Variants in USP18 observed in about 807,000 individuals in gnomAD.
The protein encoded by USP18 is ubl carboxyl-terminal hydrolase 18.
Under a neutral mutation model 48.7 loss-of-function variants are expected in USP18, and 11 were observed. That is an observed-to-expected ratio of 0.23 (90% CI 0.14 to 0.37). The LOEUF (loss-of-function observed/expected upper bound fraction) is 0.37, where lower values mean the gene tolerates loss of function less well. Among genes scored for constraint, USP18 ranks in the 10% least tolerant of loss-of-function variants. USP18 has a pLI of 1.00. For synonymous variants in USP18, 114 were observed against 163.2 expected (o/e 0.70, Z 2.30); for missense variants, 285 against 436.4 (o/e 0.65, Z 3.09).
chr22:18,160,523 C>T lies in USP18; in HGVS notation c.254+255C>T, dbSNP rs1408565969. 2.0e-5 allele frequency among the ~76,000 whole-genome samples: 3 copies of T among 151,850 alleles called. No homozygotes were observed. The East Asian group carries it at 5.9e-4, about 30-fold the overall frequency. Reference sequence around the variant, plus strand: ...TTCACCGTGTTAGCCAGGAAGGTCTCGATCTCCTGACCTCGTGATCCACCC... The same window carrying T: ...TTCACCGTGTTAGCCAGGAAGGTCTTGATCTCCTGACCTCGTGATCCACCC... On this transcript the variant is annotated intron_variant, in intron 3 of 10. Coordinates refer to ENST00000215794, the MANE Select transcript of USP18 (RefSeq NM_017414.4).
intron 1 of USP18, among the ~76,000 whole-genome samples, chr22:18,156,432 C>T (rs1458910655): frequency 1.3e-5 from 2 of 152,214 alleles, no homozygotes; most frequent in Non-Finnish European, 2.9e-5. Flanking sequence ...CTACTGCTCA[C>T]TCTTTGGGTC....
intron 10 of USP18, among the ~76,000 whole-genome samples, chr22:18,174,992 C>T (rs1259893766): frequency 6.6e-6 from 1 of 152,168 alleles, no homozygotes; most frequent in Non-Finnish European, 1.5e-5. Context: ...CAGCTCATTG[C>T]AAGCTCTGCC....
intron 10 of USP18, among the ~76,000 whole-genome samples, chr22:18,174,227 TC>T (rs1569213512): frequency 7.4e-5 from 11 of 149,272 alleles, no homozygotes; most frequent in South Asian, 2.1e-4. Context: ...TCTTTTCTTT[TC>T]TTTTCTTTTT....
At chr22:18,156,882 A>G (rs367891406) in intron 1 of USP18, among the ~76,000 whole-genome samples, 15 of 152,244 alleles carry the variant, frequency 9.9e-5, no homozygotes, top group South Asian at 2.1e-4. Context: ...ACTGGGTTCC[A>G]AGGCGAAGTA....
chr22:18,159,782 T>A (rs1409169608), intron 2 of USP18, among the ~76,000 whole-genome samples: 1 of 135,254 alleles, frequency 7.4e-6, no homozygotes, highest in African/African-American at 3.4e-5. Context: ...TTCACACCAT[T>A]CTCCTGCCTC....
chr22:18,174,728 A>G (rs1355817059), intron 10 of USP18, among the ~76,000 whole-genome samples: 2 of 152,094 alleles, frequency 1.3e-5, no homozygotes, highest in Non-Finnish European at 1.5e-5. Flanking sequence ...AGCTGGGACT[A>G]CAGGCATACA....
chr22:18,157,712 G>C lies in USP18; in HGVS notation c.49G>C (p.Ala17Pro). 6.2e-7 allele frequency: 1 copy of C among 1,614,064 alleles called. No homozygotes were observed. The highest frequency in any genetic ancestry group is 8.5e-7 in the Non-Finnish European group (1 of 1,180,012). Residue 17 changes from alanine (A) to proline (P), a missense_variant, in exon 2 of 11, where the codon GCT (alanine) becomes CCT (proline). Coordinates refer to ENST00000215794, the MANE Select transcript of USP18 (RefSeq NM_017414.4). ...GAGGCAAATCTGTCAGTCCATCCTG[G>C]CTGAGTCCTCGCAGTCCCCGGCAGA... ...LLRQICQSIL[A>P]ESSQSPADLE... is the part of the protein sequence containing the mutation.
chr22:18,175,817 A>G (rs1224680280), intron 10 of USP18, among the ~76,000 whole-genome samples: 1 of 149,830 alleles, frequency 6.7e-6, no homozygotes, highest in Non-Finnish European at 1.5e-5. Context: ...TCTACAAAAA[A>G]ATAAAAATTA....
intron 4 of USP18, among the ~76,000 whole-genome samples, chr22:18,164,313 C>T (rs958523453): frequency 1.3e-5 from 2 of 151,758 alleles, no homozygotes; most frequent in African/African-American, 2.4e-5. Context: ...GGCCTTTTTG[C>T]CTGTTCACGC....
chr22:18,154,876 T>G (rs1929088464), intron 1 of USP18, among the ~76,000 whole-genome samples: 1 of 152,214 alleles, frequency 6.6e-6, no homozygotes, highest in African/African-American at 2.4e-5. Context: ...TAAGCCAGTC[T>G]TCATTGCCTG....
At chr22:18,167,663 A>G (rs1929510627) in intron 5 of USP18, among the ~76,000 whole-genome samples, 1 of 144,918 alleles carries the variant, frequency 6.9e-6, no homozygotes, top group East Asian at 2.0e-4. Flanking sequence ...GCGCCACTGC[A>G]CTCCAGCCTG....
intron 1 of USP18, among the ~76,000 whole-genome samples, chr22:18,153,522 T>C (rs375655546): frequency 9.9e-5 from 15 of 152,080 alleles, no homozygotes; most frequent in South Asian, 2.1e-4. Flanking sequence ...ATTCCTGGGC[T>C]CAACTGATTC....
chr22:18,173,207 G>A lies in USP18; in HGVS notation c.949G>A (p.Gly317Ser), dbSNP rs751960586. ...VIAHVGMADS[G>S]HYCVYIRNAV... ...TGCGCACGTGGGAATGGCAGACTCC[G>A]GTCATTACTGTGTCTACATCCGGAA... The change falls in exon 9 of 11, where the codon GGT becomes AGT. Residue 317 changes from glycine to serine, a missense_variant. This residue lies in a region of USP18 where 44 missense variants were observed against 64.4 expected (regional missense o/e 0.68). Transcript: ENST00000215794. 6.2e-6 allele frequency: 10 copies of A among 1,610,814 alleles called. No individual in the cohort carries two copies. Among genetic ancestry groups the A allele is most frequent in the South Asian group, 2.2e-5 (2 of 90,686 alleles).
chr22:18,165,648 C>T lies in USP18; in HGVS notation c.401-1607C>T, dbSNP rs553384182. ...AGGCTGATGGAGGTTTGATTGAGAACGGGCAAGTTCTTCCAGCTGATCTTT... is the reference window on the plus strand; with the variant it reads ...AGGCTGATGGAGGTTTGATTGAGAATGGGCAAGTTCTTCCAGCTGATCTTT... On this transcript the variant is annotated intron_variant, in intron 4 of 10. Coordinates refer to ENST00000215794, the MANE Select transcript of USP18 (RefSeq NM_017414.4). Among the ~76,000 whole-genome samples, 17 of 152,144 alleles carry T rather than the reference C, an allele frequency of 1.1e-4. 1 individual carries two copies. Among genetic ancestry groups the T allele is most frequent in the South Asian group, 4.2e-4 (2 of 4,806 alleles).
chr22:18,153,219 A>G (rs1929043513), intron 1 of USP18, among the ~76,000 whole-genome samples: 1 of 152,188 alleles, frequency 6.6e-6, no homozygotes, highest in Admixed American at 6.5e-5. Context: ...ACCTGAGGTC[A>G]GGAGTTCAAG....
At chr22:18,162,018 C>G (rs908552316) in intron 4 of USP18, 83 bp downstream of exon 4, 7 of 1,487,278 alleles carry the variant, frequency 4.7e-6, no homozygotes, top group Non-Finnish European at 6.3e-6. Context: ...AACTAACGGG[C>G]AGTGAAGCAA....
intron 8 of USP18, among the ~76,000 whole-genome samples, chr22:18,171,252 G>A (rs1410035049): frequency 4.4e-5 from 4 of 91,866 alleles, no homozygotes; most frequent in Non-Finnish European, 8.1e-5. Context: ...TCATAAAGTA[G>A]CCAGTTGACT....
intron 1 of USP18, among the ~76,000 whole-genome samples, chr22:18,151,795 G>A (rs5993018): frequency 0.4 from 60,446 of 151,954 alleles, 13,133 homozygotes; most frequent in African/African-American, 0.57. Context: ...GGTGGCTCAC[G>A]CCTGTAATCC....
chr22:18,157,776 G>A lies in USP18; in HGVS notation c.113G>A (p.Arg38Lys), dbSNP rs1168005972. The A allele has an allele frequency of 1.9e-6, 3 of 1,614,016 alleles. No homozygotes were observed. In the African/African-American group the frequency reaches 4.0e-5, roughly 22 times the overall value. Reference sequence around the variant, plus strand: ...AAGGAAGAAGACAGCAACATGAAGAGAGAGCAGCCCAGAGAGCGTCCCAGG... The same window carrying A: ...AAGGAAGAAGACAGCAACATGAAGAAAGAGCAGCCCAGAGAGCGTCCCAGG... Reference protein sequence around the residue: ...EKKEEDSNMKREQPRERPRAW... With the variant: ...EKKEEDSNMKKEQPRERPRAW... Residue 38 changes from arginine to lysine, a missense_variant, in exon 2 of 11, where the codon AGA (arginine) becomes AAA (lysine). Coordinates refer to ENST00000215794, the MANE Select transcript of USP18 (RefSeq NM_017414.4).
Sources: allele counts gnomAD v4.1 joint callset (sites outside exome capture counted in the v4.1 genomes callset), GRCh38; gene constraint gnomAD v4.1.1; regional missense constraint gnomAD v4.1.1; transcripts MANE v1.5; gene names NCBI Gene and HGNC (gene_info 2026-07-23, HGNC 2026-07-21).